The following SDK1 variants were observed in gnomAD, a reference collection of about 807,000 sequenced individuals.
SDK1 encodes sidekick cell adhesion molecule 1.
Under a neutral mutation model 245.5 loss-of-function variants are expected in SDK1, and 157 were observed. That is an observed-to-expected ratio of 0.64 (90% CI 0.56 to 0.73). The LOEUF is 0.73. Among genes scored for constraint, SDK1 ranks in the 30% least tolerant of loss-of-function variants. The pLI, the probability that SDK1 is intolerant of heterozygous loss-of-function variation, is 0.00. For missense variants in SDK1, 3,583 were observed against 3,002.3 expected, an observed-to-expected ratio of 1.19 and a Z score of -4.52; for synonymous variants, 1,647 against 1,278.5, an observed-to-expected ratio of 1.29 and a Z score of -6.15.
chr7:3,825,555 C>G (rs1020161578), intron 5 of SDK1, among the ~76,000 whole-genome samples: 3 of 152,204 alleles, frequency 2.0e-5, no homozygotes, highest in African/African-American at 4.8e-5. Flanking sequence ...GTCTCCTCTT[C>G]AAACAACATT....
intron 4 of SDK1, among the ~76,000 whole-genome samples, chr7:3,782,259 A>G (rs1270554773): frequency 6.6e-6 from 1 of 152,188 alleles, no homozygotes; most frequent in Non-Finnish European, 1.5e-5. Context: ...CAGGAACAAG[A>G]GGTGATGGGA....
intron 7 of SDK1, among the ~76,000 whole-genome samples, chr7:3,958,469 C>A (rs544014262): frequency 6.6e-6 from 1 of 152,120 alleles, no homozygotes; most frequent in African/African-American, 2.4e-5. Flanking sequence ...AGTATTAAAT[C>A]TCTATTTTGG....
intron 41 of SDK1, among the ~76,000 whole-genome samples, chr7:4,233,979 A>G (rs1785977386): frequency 6.6e-6 from 1 of 152,232 alleles, no homozygotes; most frequent in African/African-American, 2.4e-5. Context: ...CCTCCGCAAC[A>G]AAATCATTCG....
rs371309653 is a variant in SDK1, at chr7:4,221,309, G to A, written c.5772G>A (p.Glu1924=). 6.8e-6 allele frequency: 11 copies of A among 1,613,540 alleles called. No individual in the cohort carries two copies. Among genetic ancestry groups the A allele is most frequent in the Non-Finnish European group, 8.5e-6 (10 of 1,179,932 alleles). Residue 1924 remains glutamate (E), a synonymous_variant, in exon 40 of 45, where the codon GAG becomes GAA. Coordinates refer to ENST00000404826, the MANE Select transcript of SDK1 (RefSeq NM_152744.4). ...SASELTLQWT[E]GHSGDTPTTG... Reference sequence around the variant, plus strand: ...CTGAACTGACGCTGCAGTGGACTGAGGGACACTCTGGCGACACACCTACCA... The same window carrying A: ...CTGAACTGACGCTGCAGTGGACTGAAGGACACTCTGGCGACACACCTACCA...
chr7:3,324,672 C>T (rs892104073), intron 1 of SDK1, among the ~76,000 whole-genome samples: 2 of 152,114 alleles, frequency 1.3e-5, no homozygotes, highest in African/African-American at 4.8e-5. Context: ...TAGGCTCTTA[C>T]TTTTACTGTT....
intron 1 of SDK1, among the ~76,000 whole-genome samples, chr7:3,555,548 G>A (rs2128624505): frequency 6.6e-6 from 1 of 152,202 alleles, no homozygotes; most frequent in Middle Eastern, 3.4e-3. Flanking sequence ...ACAAATATGG[G>A]CAAACAAAGC....
intron 1 of SDK1, chr7:3,476,094 T>C (rs1370534069): frequency 4.6e-5 from 7 of 152,792 alleles, no homozygotes; most frequent in African/African-American, 1.4e-4. Flanking sequence ...TCAAACAATT[T>C]CTCTCTGTTT....
At chr7:4,129,364 T>G (rs201779349) in intron 26 of SDK1, among the ~76,000 whole-genome samples, 451 of 20,400 alleles carry the variant, frequency 0.022, no homozygotes, top group East Asian at 0.061. Flanking sequence ...AGCTTGGGGT[T>G]GGGTGCCCTG....
At chr7:3,968,929 A>G (rs1175719143) in intron 10 of SDK1, among the ~76,000 whole-genome samples, 1 of 152,220 alleles carries the variant, frequency 6.6e-6, no homozygotes, top group East Asian at 1.9e-4. Flanking sequence ...GGCCTCAGGA[A>G]ATCATGGTGG....
intron 4 of SDK1, among the ~76,000 whole-genome samples, chr7:3,741,247 C>T (rs1779466395): frequency 6.6e-6 from 1 of 152,158 alleles, no homozygotes; most frequent in African/African-American, 2.4e-5. Flanking sequence ...TGAGTTTTTC[C>T]AGCCAATTTT....
intron 1 of SDK1, among the ~76,000 whole-genome samples, chr7:3,525,371 C>A (rs868334603): frequency 6.6e-6 from 1 of 152,068 alleles, no homozygotes; most frequent in Non-Finnish European, 1.5e-5. Flanking sequence ...CTTGCACCTA[C>A]GGAAAATCCT....
At chr7:3,565,971 T>G (rs548805282) in intron 1 of SDK1, among the ~76,000 whole-genome samples, 1 of 152,226 alleles carries the variant, frequency 6.6e-6, no homozygotes, top group Non-Finnish European at 1.5e-5. Flanking sequence ...TAGTATCCAA[T>G]TAAAAATGAA....
intron 43 of SDK1, among the ~76,000 whole-genome samples, chr7:4,242,276 C>T (rs781378042): frequency 2.0e-5 from 3 of 152,080 alleles, no homozygotes; most frequent in South Asian, 2.1e-4. Flanking sequence ...GCCACAGGCC[C>T]GACCAGGTGT....
chr7:3,554,287 A>C (rs898705624), intron 1 of SDK1, among the ~76,000 whole-genome samples: 2 of 152,232 alleles, frequency 1.3e-5, no homozygotes, highest in Admixed American at 6.5e-5. Flanking sequence ...AATCAGTAAC[A>C]GAAAGACAAC....
intron 1 of SDK1, among the ~76,000 whole-genome samples, chr7:3,315,032 C>T (rs1562407878): frequency 6.6e-6 from 1 of 152,094 alleles, no homozygotes; most frequent in Non-Finnish European, 1.5e-5. Flanking sequence ...CTAGAGTCCT[C>T]CATCCCTATC....
intron 31 of SDK1, among the ~76,000 whole-genome samples, chr7:4,158,920 A>G (rs1315541496): frequency 6.6e-6 from 1 of 152,192 alleles, no homozygotes; most frequent in East Asian, 1.9e-4. Context: ...AGCGCAGGTA[A>G]GTGATGGGAA....
At chr7:3,654,585 G>T (rs547814223) in intron 4 of SDK1, among the ~76,000 whole-genome samples, 2 of 152,154 alleles carry the variant, frequency 1.3e-5, no homozygotes, top group Non-Finnish European at 2.9e-5. Context: ...CTTAATGAAG[G>T]TCACTCAAGT....
At chr7:3,462,350 T>C (rs1780860054) in intron 1 of SDK1, among the ~76,000 whole-genome samples, 1 of 152,086 alleles carries the variant, frequency 6.6e-6, no homozygotes, top group Non-Finnish European at 1.5e-5. Context: ...CCCGCCGAGG[T>C]TGAGTATCAT....
At chr7:3,535,408 C>T (rs1416616290) in intron 1 of SDK1, among the ~76,000 whole-genome samples, 6 of 152,150 alleles carry the variant, frequency 3.9e-5, no homozygotes, top group Non-Finnish European at 8.8e-5. Flanking sequence ...AAGTTTATAG[C>T]TCTTATCCCT....
Sources: gnomAD v4.1 joint callset for allele counts (sites outside exome capture counted in the v4.1 genomes callset) on GRCh38, gnomAD v4.1.1 for gene constraint, MANE v1.5 for transcripts, NCBI Gene and HGNC (gene_info 2026-07-23, HGNC 2026-07-21) for gene names.